Variants in DOCK5 observed in about 807,000 individuals in gnomAD.
The protein encoded by DOCK5 is dedicator of cytokinesis protein 5.
Under a neutral mutation model 251.8 loss-of-function variants are expected in DOCK5, and 142 were observed. That is an observed-to-expected ratio of 0.56 (90% CI 0.49 to 0.65). The LOEUF (loss-of-function observed/expected upper bound fraction) is 0.65. DOCK5 is among the 30% of genes least tolerant of loss of function. The probability of loss-of-function intolerance (pLI) is 0.00; values close to 1 mark genes in which losing one functional copy is unlikely to be tolerated. For missense variants in DOCK5, 2,111 were observed against 2,312.3 expected, an observed-to-expected ratio of 0.91 and a Z score of 1.79; for synonymous variants, 842 against 835.5, an observed-to-expected ratio of 1.01 and a Z score of -0.13.
At chr8:25,380,170 G>T in intron 38 of DOCK5, 135 bp from the exon 39 acceptor site, 1 of 702,942 alleles carries the variant, frequency 1.4e-6, no homozygotes. Flanking sequence ...AAGGGATAAA[G>T]CGAGTGAGGA....
chr8:25,273,527 CG>C (rs1803967737), intron 3 of DOCK5, among the ~76,000 whole-genome samples: 2 of 152,178 alleles, frequency 1.3e-5, no homozygotes, highest in African/African-American at 4.8e-5. Flanking sequence ...TGCTTGAGCC[CG>C]GAGGGCGGAG....
intron 22 of DOCK5, among the ~76,000 whole-genome samples, chr8:25,339,025 G>A (rs1211839987): frequency 1.3e-5 from 2 of 152,116 alleles, no homozygotes; most frequent in South Asian, 2.1e-4. Flanking sequence ...GATGGCCTGC[G>A]TGTGGTTACT....
chr8:25,277,783 A>G (rs1804084424), intron 4 of DOCK5, among the ~76,000 whole-genome samples: 1 of 152,200 alleles, frequency 6.6e-6, no homozygotes, highest in South Asian at 2.1e-4. Context: ...AGCATTTCCC[A>G]GATATTTCAT....
chr8:25,216,992 G>T (rs200761631), intron 1 of DOCK5, among the ~76,000 whole-genome samples: 1 of 120,864 alleles, frequency 8.3e-6, no homozygotes, highest in African/African-American at 3.3e-5. Flanking sequence ...AATATGTATA[G>T]ATGTATACAA....
chr8:25,226,197 G>T (rs376570783), intron 1 of DOCK5, among the ~76,000 whole-genome samples: 1 of 151,448 alleles, frequency 6.6e-6, no homozygotes, highest in East Asian at 1.9e-4. Flanking sequence ...TAAAAAGAGG[G>T]TAGTATGTAT....
At chr8:25,243,867 T>A in intron 2 of DOCK5, 110 bp downstream of exon 2, 1 of 1,060,184 alleles carries the variant, frequency 9.4e-7, no homozygotes, top group Non-Finnish European at 1.4e-6. Context: ...CCTGAAACAG[T>A]GCTAGTAAAA....
At chr8:25,342,250 T>C in intron 24 of DOCK5, 151 bp from the exon 25 acceptor site, 3 of 580,754 alleles carry the variant, frequency 5.2e-6, no homozygotes, top group South Asian at 4.1e-5. Flanking sequence ...AAAATCTCCC[T>C]TGCTGCCATG....
chr8:25,380,425 T>A (rs943956860), intron 39 of DOCK5, 31 bp downstream of exon 39: 2 of 1,546,312 alleles, frequency 1.3e-6, no homozygotes, highest in Non-Finnish European at 1.8e-6. Context: ...GTTAGGCCTC[T>A]GACAGGGTTG....
intron 5 of DOCK5, among the ~76,000 whole-genome samples, chr8:25,279,869 T>C (rs1420100482): frequency 2.0e-5 from 3 of 151,582 alleles, no homozygotes; most frequent in Non-Finnish European, 2.9e-5. Flanking sequence ...AAGTGATCTA[T>C]GTGTCTTGGC....
chr8:25,391,625 TAG>T (rs1801261545), intron 42 of DOCK5, among the ~76,000 whole-genome samples: 1 of 151,836 alleles, frequency 6.6e-6, no homozygotes, highest in South Asian at 2.1e-4. Context: ...GTGACAGAGT[TAG>T]ACTCTGACTC....
At chr8:25,197,543 A>C (rs538036501) in intron 1 of DOCK5, among the ~76,000 whole-genome samples, 1 of 148,744 alleles carries the variant, frequency 6.7e-6, no homozygotes, top group African/African-American at 2.5e-5. Context: ...TGGACCCCAA[A>C]GATGCCCTCT....
chr8:25,200,592 A>G (rs1309123192), intron 1 of DOCK5, among the ~76,000 whole-genome samples: 2 of 152,192 alleles, frequency 1.3e-5, no homozygotes, highest in African/African-American at 4.8e-5. Flanking sequence ...TAAAAAATTG[A>G]TTCCAGCTGT....
intron 29 of DOCK5, 30 bp downstream of exon 29, chr8:25,363,171 A>G (rs1417053742): frequency 1.3e-6 from 2 of 1,563,496 alleles, no homozygotes; most frequent in East Asian, 4.5e-5. Flanking sequence ...GCCCTGAGGC[A>G]TTTGTCTGAA....
At chr8:25,201,984 A>G (rs370486522) in intron 1 of DOCK5, among the ~76,000 whole-genome samples, 8 of 152,140 alleles carry the variant, frequency 5.3e-5, no homozygotes, top group African/African-American at 1.9e-4. Flanking sequence ...TTATCTTGCA[A>G]GAATCTTCCT....
intron 51 of DOCK5, 34 bp from the exon 52 acceptor site, chr8:25,411,160 A>C (rs746679786): frequency 6.6e-7 from 1 of 1,506,814 alleles, no homozygotes; most frequent in Admixed American, 2.4e-5. Flanking sequence ...GAAAGCTAAG[A>C]CCTGCTTCTA....
intron 1 of DOCK5, among the ~76,000 whole-genome samples, chr8:25,192,794 C>T (rs1369889886): frequency 6.6e-6 from 1 of 152,264 alleles, no homozygotes; most frequent in East Asian, 1.9e-4. Flanking sequence ...TTACAGGCGC[C>T]AGCTACCACG....
intron 11 of DOCK5, chr8:25,305,160 C>T (rs1270690302): frequency 6.6e-6 from 1 of 152,214 alleles, no homozygotes; most frequent in Non-Finnish European, 1.5e-5. Flanking sequence ...CATCTCAGCT[C>T]ACTTGCAGCT....
intron 2 of DOCK5, among the ~76,000 whole-genome samples, chr8:25,255,182 A>G (rs1197859312): frequency 6.6e-6 from 1 of 152,202 alleles, no homozygotes; most frequent in African/African-American, 2.4e-5. Flanking sequence ...TCATCACACA[A>G]TGCAGCAATT....
intron 1 of DOCK5, among the ~76,000 whole-genome samples, chr8:25,211,697 A>T (rs1296068529): frequency 1.5e-5 from 1 of 67,990 alleles, no homozygotes; most frequent in African/African-American, 3.3e-5. Context: ...AGTCCCAGCT[A>T]CTCTGGAGGC....
Sources: allele counts gnomAD v4.1 joint callset (sites outside exome capture counted in the v4.1 genomes callset), GRCh38; gene constraint gnomAD v4.1.1; transcripts MANE v1.5; gene names NCBI Gene and HGNC (gene_info 2026-07-23, HGNC 2026-07-21).